Variants in MCCC1 observed in about 807,000 individuals in gnomAD.
MCCC1 encodes methylcrotonyl-CoA carboxylase subunit 1.
A neutral mutation model predicts 83.8 loss-of-function variants in MCCC1; 64 were observed. The ratio of observed to expected loss-of-function variants is 0.76; its 90% CI spans 0.62 to 0.94. MCCC1 has a LOEUF of 0.94. Ranked by LOEUF, MCCC1 falls within the 40% of genes least tolerant of loss-of-function variation. The pLI is 0.00. For missense variants in MCCC1, 807 were observed against 904.7 expected, an observed-to-expected ratio of 0.89 and a Z score of 1.39; for synonymous variants, 322 against 315.4, an observed-to-expected ratio of 1.02 and a Z score of -0.22.
At chr3:183,075,698 G>A (rs192739869) in intron 4 of MCCC1, among the ~76,000 whole-genome samples, 150 of 151,998 alleles carry the variant, frequency 9.9e-4, no homozygotes, top group Middle Eastern at 3.4e-3. Context: ...CTGCCACCAC[G>A]CCCTGCTAAT....
chr3:183,113,963 T>C (rs1385893764), intron 1 of MCCC1, among the ~76,000 whole-genome samples: 2 of 152,124 alleles, frequency 1.3e-5, no homozygotes, highest in African/African-American at 4.8e-5. Flanking sequence ...AACCTTGTTT[T>C]TTCCTTATTC....
rs920971980 is a variant in MCCC1 at position 183,028,091 on chromosome 3, G to C, written c.1682-2287C>G. Among the ~76,000 whole-genome samples the C allele has an allele frequency of 3.3e-5, 5 of 152,122 alleles. No individual in the cohort carries two copies. In the East Asian group the frequency reaches 9.6e-4, roughly 29 times the overall value. On this transcript the variant is annotated intron_variant, in intron 14 of 18. Transcript: ENST00000265594. ...AAGGACAGGCTGACTCTCTTTCTAG[G>C]GGTTAATGCAGCCAGTGACTTTAAG...
At chr3:183,096,058 G>A (rs962305318) in intron 1 of MCCC1, among the ~76,000 whole-genome samples, 8 of 152,198 alleles carry the variant, frequency 5.3e-5, no homozygotes. Context: ...TAAGTGGGCT[G>A]GGTGCAGTGG....
rs574092396 is a variant in MCCC1 at position 183,085,409 on chromosome 3, C to T, written c.369+1284G>A. ...ACTTTGGGAACTGAGGCAGGCAGAT[C>T]GCTTGAGCCTAGGAGTTCAACACCA... is the stretch of plus-strand genomic sequence containing the variant. On this transcript the variant is annotated intron_variant, in intron 4 of 18. Transcript: ENST00000265594. Among the ~76,000 whole-genome samples the T allele has an allele frequency of 1.3e-4, 20 of 152,172 alleles. No individual in the cohort carries two copies. The Middle Eastern group carries it at 0.017, about 129-fold the overall frequency.
chr3:183,016,861 C>T (rs1711683123), intron 18 of MCCC1, among the ~76,000 whole-genome samples: 1 of 152,232 alleles, frequency 6.6e-6, no homozygotes, highest in African/African-American at 2.4e-5. Context: ...CACTTTGAAA[C>T]TGATGCCTGG....
intron 8 of MCCC1, among the ~76,000 whole-genome samples, chr3:183,054,374 A>C (rs1191385738): frequency 6.6e-6 from 1 of 151,134 alleles, no homozygotes; most frequent in African/African-American, 2.4e-5. Context: ...TTTTTAGTAG[A>C]GACGGGGTTT....
intron 1 of MCCC1, among the ~76,000 whole-genome samples, chr3:183,095,200 G>A (rs1317760013): frequency 1.3e-5 from 2 of 151,876 alleles, no homozygotes; most frequent in African/African-American, 2.4e-5. Flanking sequence ...GGAGAATGGC[G>A]TGAACCCAGG....
chr3:183,053,549 G>A (rs1469297440), intron 8 of MCCC1, among the ~76,000 whole-genome samples: 1 of 151,920 alleles, frequency 6.6e-6, no homozygotes, highest in Admixed American at 6.6e-5. Context: ...GCTCATGCCT[G>A]TAATCCCAGC....
chr3:183,106,697 G>A (rs1197120849), intron 1 of MCCC1, among the ~76,000 whole-genome samples: 9 of 151,856 alleles, frequency 5.9e-5, no homozygotes, highest in Non-Finnish European at 5.9e-5. Flanking sequence ...GAGTTTCACC[G>A]TGTCGGCCAG....
At chr3:183,103,891 G>A (rs1013620042), upstream of MCCC1, among the ~76,000 whole-genome samples, 4 of 152,336 alleles carry the variant, frequency 2.6e-5, no homozygotes, top group Admixed American at 6.5e-5. Flanking sequence ...GCCCTGCCCC[G>A]CGGGGAGGCA....
intron 13 of MCCC1, among the ~76,000 whole-genome samples, chr3:183,035,711 A>C (rs909430325): frequency 1.3e-5 from 2 of 152,172 alleles, no homozygotes; most frequent in Non-Finnish European, 2.9e-5. Context: ...AATAATTACC[A>C]ATAAAAGAGA....
chr3:183,040,061 A>ACTCCAG (rs1163557232), intron 11 of MCCC1, among the ~76,000 whole-genome samples: 1 of 130,112 alleles, frequency 7.7e-6, no homozygotes, highest in African/African-American at 2.9e-5. Flanking sequence ...GTGCCATTGC[A>ACTCCAG]CTCCAGCCTG....
At chr3:183,080,397 A>C (rs1467411064) in intron 4 of MCCC1, among the ~76,000 whole-genome samples, 1 of 152,224 alleles carries the variant, frequency 6.6e-6, no homozygotes, top group East Asian at 1.9e-4. Flanking sequence ...CAGGAATAAA[A>C]TGCTGCCAGT....
chr3:183,046,931 G>C (rs1048594515), intron 9 of MCCC1, among the ~76,000 whole-genome samples: 1 of 152,158 alleles, frequency 6.6e-6, no homozygotes, highest in East Asian at 1.9e-4. Flanking sequence ...ACAAATTCCT[G>C]GTAGCTCAGT....
rs570936591 is a variant in MCCC1 at position 183,066,541 on chromosome 3, G to A, written c.761+4458C>T. ...GCTGGTCTCAAACTCCAGGTCAAGTGATCCACTTGCATCAGTCTCCCAAAG... is the reference window on the plus strand; with the variant it reads ...GCTGGTCTCAAACTCCAGGTCAAGTAATCCACTTGCATCAGTCTCCCAAAG... On this transcript the variant is annotated intron_variant, in intron 7 of 18. Transcript: ENST00000265594. 6.6e-5 allele frequency among the ~76,000 whole-genome samples: 10 copies of A among 152,292 alleles called. No homozygotes were observed. The South Asian group carries it at 2.1e-3, about 32-fold the overall frequency.
intron 17 of MCCC1, chr3:183,017,554 G>C (rs1711754400): frequency 1.8e-6 from 1 of 557,200 alleles, no homozygotes; most frequent in Admixed American, 3.1e-5. Context: ...CAGAGCAGAA[G>C]TAGAGCCCAT....
chr3:183,095,151 C>T (rs887797915), intron 1 of MCCC1, among the ~76,000 whole-genome samples: 17 of 151,974 alleles, frequency 1.1e-4, no homozygotes, highest in African/African-American at 3.9e-4. Context: ...GGCGTCATGG[C>T]GGGCACCTGT....
At chr3:183,071,869 A>AT (rs377212072) in intron 5 of MCCC1, among the ~76,000 whole-genome samples, 82,865 of 132,604 alleles carry the variant, frequency 0.62, 29,307 homozygotes, top group Non-Finnish European at 0.78. Flanking sequence ...ACCCAGCTGA[A>AT]TTTTTTTTTT....
In MCCC1 at chr3:183,036,665, G is replaced by A. The variant is rs182394799; in HGVS notation, c.1594+553C>T. Among the ~76,000 whole-genome samples the A allele has an allele frequency of 4.2e-3, 626 of 150,672 alleles. 1 individual carries two copies. Among genetic ancestry groups the A allele is most frequent in the African/African-American group, 0.014 (579 of 41,188 alleles). On this transcript the variant is annotated intron_variant, in intron 13 of 18. Transcript: ENST00000265594. Reference sequence around the variant, plus strand: ...AGCGATTCTCTTGTCTCAGCCTCCCGAGTAGCTGGGACTACAGGTGCGTGC... The same window carrying A: ...AGCGATTCTCTTGTCTCAGCCTCCCAAGTAGCTGGGACTACAGGTGCGTGC...
Sources: gnomAD v4.1 joint callset for allele counts (sites outside exome capture counted in the v4.1 genomes callset) on GRCh38, gnomAD v4.1.1 for gene constraint, MANE v1.5 for transcripts, NCBI Gene and HGNC (gene_info 2026-07-23, HGNC 2026-07-21) for gene names.